The following CSTPP1 variants were observed in gnomAD, a reference collection of about 807,000 sequenced individuals.
CSTPP1 encodes the protein UPF0705 protein C11orf49.
the CSTPP1 span, among the ~76,000 whole-genome samples, chr11:47,156,431 C>A: frequency 6.6e-6 from 1 of 152,184 alleles, no homozygotes; most frequent in African/African-American, 2.4e-5. Context: ...GGCTCAACTA[C>A]GAAATTTGAA....
the CSTPP1 span, among the ~76,000 whole-genome samples, chr11:46,971,074 T>C: frequency 6.6e-6 from 1 of 152,202 alleles, no homozygotes; most frequent in Non-Finnish European, 1.5e-5. Context: ...TGTCAACAAG[T>C]ATATGGTCAC....
chr11:46,974,931 G>A, the CSTPP1 span, among the ~76,000 whole-genome samples: 3 of 150,910 alleles, frequency 2.0e-5, no homozygotes, highest in Non-Finnish European at 2.9e-5. Context: ...CTGGAGATTC[G>A]AGAAATTAGG....
the CSTPP1 span, chr11:46,987,139 T>G: frequency 2.0e-6 from 3 of 1,483,780 alleles, no homozygotes; most frequent in Non-Finnish European, 2.8e-6. Flanking sequence ...GACCTCCTAC[T>G]AGGATTGGGA....
At chr11:47,054,502 G>A in the CSTPP1 span, among the ~76,000 whole-genome samples, 4 of 151,966 alleles carry the variant, frequency 2.6e-5, no homozygotes, top group Admixed American at 1.3e-4. Flanking sequence ...TTGTAGAGAC[G>A]GGGTTTTGCT....
At chr11:47,066,224 A>C in the CSTPP1 span, among the ~76,000 whole-genome samples, 1 of 151,356 alleles carries the variant, frequency 6.6e-6, no homozygotes, top group South Asian at 2.1e-4. Flanking sequence ...TTAGGGGAAA[A>C]GTTTTTCAGT....
the CSTPP1 span, chr11:47,155,300 C>G: frequency 3.9e-6 from 6 of 1,524,078 alleles, no homozygotes; most frequent in South Asian, 6.7e-5. Flanking sequence ...CGCACAGGAC[C>G]CTGTCTCCCT....
chr11:47,061,714 A>G, the CSTPP1 span, among the ~76,000 whole-genome samples: 1 of 152,188 alleles, frequency 6.6e-6, no homozygotes, highest in African/African-American at 2.4e-5. Flanking sequence ...CAGAAACCAG[A>G]TGTAGACAAT....
chr11:47,060,391 C>T, the CSTPP1 span, among the ~76,000 whole-genome samples: 1 of 151,476 alleles, frequency 6.6e-6, no homozygotes, highest in East Asian at 2.0e-4. Flanking sequence ...GCACATACCA[C>T]CACACCCAGC....
the CSTPP1 span, among the ~76,000 whole-genome samples, chr11:47,072,686 T>TAC: frequency 6.6e-6 from 1 of 151,412 alleles, no homozygotes; most frequent in Admixed American, 6.6e-5. Context: ...TATATATATA[T>TAC]ACACACACAC....
chr11:46,954,029 G>A, the CSTPP1 span, among the ~76,000 whole-genome samples: 1 of 152,170 alleles, frequency 6.6e-6, no homozygotes, highest in Non-Finnish European at 1.5e-5. Flanking sequence ...AAGAAAGATA[G>A]CTCGACTAGG....
At chr11:47,082,256 TA>T in the CSTPP1 span, among the ~76,000 whole-genome samples, 1 of 149,272 alleles carries the variant, frequency 6.7e-6, no homozygotes, top group South Asian at 2.1e-4. Flanking sequence ...AGAGAGCTGA[TA>T]AAAAAAAACC....
At chr11:46,965,936 A>C in the CSTPP1 span, among the ~76,000 whole-genome samples, 1,358 of 152,334 alleles carry the variant, frequency 8.9e-3, 19 homozygotes, top group African/African-American at 0.029. Context: ...TTATGCAGAA[A>C]ATGGTGCTTC....
the CSTPP1 span, among the ~76,000 whole-genome samples, chr11:47,028,488 T>G: frequency 3.3e-5 from 5 of 152,276 alleles, no homozygotes; most frequent in Non-Finnish European, 5.9e-5. Flanking sequence ...AGAACTGTAG[T>G]AATTAGAAAT....
At chr11:46,938,802 A>T in the CSTPP1 span, among the ~76,000 whole-genome samples, 1 of 140,944 alleles carries the variant, frequency 7.1e-6, no homozygotes, top group African/African-American at 2.6e-5. Flanking sequence ...TTTTGAGACA[A>T]TGTCTGGCAC....
the CSTPP1 span, chr11:47,161,532 G>A: frequency 2.3e-5 from 37 of 1,613,988 alleles, 1 homozygote; most frequent in Middle Eastern, 1.6e-4. Context: ...CTGCCTTCCC[G>A]GACCCCTCCC....
At chr11:47,028,754 C>T in the CSTPP1 span, among the ~76,000 whole-genome samples, 1 of 152,158 alleles carries the variant, frequency 6.6e-6, no homozygotes, top group Non-Finnish European at 1.5e-5. Flanking sequence ...TAGGCTTCCT[C>T]TGAATTTCAC....
chr11:47,085,798 G>T, the CSTPP1 span, among the ~76,000 whole-genome samples: 3 of 151,750 alleles, frequency 2.0e-5, no homozygotes, highest in Admixed American at 2.0e-4. Flanking sequence ...GCTAAGGCTG[G>T]AAAATCACTT....
At chr11:47,070,133 T>A in the CSTPP1 span, among the ~76,000 whole-genome samples, 2 of 152,064 alleles carry the variant, frequency 1.3e-5, no homozygotes, top group Non-Finnish European at 2.9e-5. Flanking sequence ...GTAATCTCAC[T>A]TGAGCCCAGG....
At chr11:46,938,085 G>A in the CSTPP1 span, among the ~76,000 whole-genome samples, 8 of 151,530 alleles carry the variant, frequency 5.3e-5, no homozygotes, top group Non-Finnish European at 1.0e-4. Flanking sequence ...TGTTGGTCAG[G>A]CTGGTCTCAA....
Sources: gnomAD v4.1 joint callset for allele counts (sites outside exome capture counted in the v4.1 genomes callset) on GRCh38, gnomAD v4.1.1 for gene constraint, MANE v1.5 for transcripts, NCBI Gene and HGNC (gene_info 2026-07-23, HGNC 2026-07-21) for gene names.